Variants in PTPRK observed in about 807,000 individuals in gnomAD.
The protein encoded by PTPRK is receptor-type tyrosine-protein phosphatase kappa.
In PTPRK, 75 loss-of-function variants were observed where a neutral mutation model predicts 178.0. The ratio of observed to expected loss-of-function variants is 0.42; its 90% confidence interval spans 0.35 to 0.51. The LOEUF (loss-of-function observed/expected upper bound fraction) is 0.51. PTPRK is among the 20% of genes least tolerant of loss of function. The pLI, the probability that PTPRK is intolerant of heterozygous loss-of-function variation, is 0.02. For missense variants in PTPRK, 1,441 were observed against 1,797.8 expected, an observed-to-expected ratio of 0.80 and a Z score of 3.59; for synonymous variants, 637 against 620.6, an observed-to-expected ratio of 1.03 and a Z score of -0.39.
chr6:128,432,745 A>AACACAC (rs4053237), intron 1 of PTPRK, among the ~76,000 whole-genome samples: 4,660 of 146,316 alleles, frequency 0.032, 211 homozygotes, highest in African/African-American at 0.11. Flanking sequence ...TGTGTTCACA[A>AACACAC]ACACACACAC....
intron 1 of PTPRK, among the ~76,000 whole-genome samples, chr6:128,488,228 A>T (rs1180834093): frequency 6.6e-6 from 1 of 152,192 alleles, no homozygotes. Context: ...CAGGAGAAAG[A>T]TGAAGGCCAG....
chr6:128,137,497 T>A (rs969895407), intron 7 of PTPRK, among the ~76,000 whole-genome samples: 2 of 152,180 alleles, frequency 1.3e-5, no homozygotes, highest in African/African-American at 4.8e-5. Context: ...ATTCCAGAAT[T>A]CCTCTCAAAT....
chr6:128,317,494 G>A (rs1828174369), intron 3 of PTPRK, among the ~76,000 whole-genome samples: 2 of 151,104 alleles, frequency 1.3e-5, no homozygotes, highest in African/African-American at 4.9e-5. Context: ...TTTAAATTCT[G>A]CCACGTGTCT....
intron 6 of PTPRK, among the ~76,000 whole-genome samples, chr6:128,205,945 A>G (rs1806881067): frequency 6.6e-6 from 1 of 152,068 alleles, no homozygotes; most frequent in Non-Finnish European, 1.5e-5. Context: ...TGAATCTGGA[A>G]TAGACTTTCT....
intron 1 of PTPRK, among the ~76,000 whole-genome samples, chr6:128,475,633 C>T (rs2128420812): frequency 6.6e-6 from 1 of 152,114 alleles, no homozygotes; most frequent in Non-Finnish European, 1.5e-5. Context: ...AACTAAAACT[C>T]TGCAAAATTC....
chr6:128,297,019 G>C (rs940017138), intron 3 of PTPRK, among the ~76,000 whole-genome samples: 55 of 151,600 alleles, frequency 3.6e-4, no homozygotes, highest in African/African-American at 1.3e-3. Context: ...AAAATAAAAG[G>C]ATGGAGGAAG....
intron 6 of PTPRK, among the ~76,000 whole-genome samples, chr6:128,214,008 T>C (rs958252562): frequency 6.6e-6 from 1 of 152,120 alleles, no homozygotes; most frequent in Non-Finnish European, 1.5e-5. Flanking sequence ...CCCCTACATA[T>C]GCCAGGGTCA....
chr6:128,237,933 T>A (rs1162359617), intron 5 of PTPRK: 1 of 394,498 alleles, frequency 2.5e-6, no homozygotes, highest in Non-Finnish European at 4.9e-6. Flanking sequence ...GGTTCATTTT[T>A]AAATAATTTC....
At chr6:128,131,407 A>C (rs143745098) in intron 7 of PTPRK, among the ~76,000 whole-genome samples, 13 of 152,308 alleles carry the variant, frequency 8.5e-5, no homozygotes, top group African/African-American at 2.9e-4. Flanking sequence ...ATGAACGACC[A>C]CTATGAATGC....
At chr6:127,998,153 A>G (rs896198524) in intron 16 of PTPRK, among the ~76,000 whole-genome samples, 1 of 152,108 alleles carries the variant, frequency 6.6e-6, no homozygotes, top group Non-Finnish European at 1.5e-5. Flanking sequence ...AGGTTGGAAG[A>G]AGAATTTCCC....
intron 13 of PTPRK, among the ~76,000 whole-genome samples, chr6:128,052,974 A>C (rs562611718): frequency 3.2e-4 from 49 of 152,238 alleles, no homozygotes; most frequent in East Asian, 2.1e-3. Flanking sequence ...TAATAATAAT[A>C]ATCTAGTTTC....
chr6:128,187,453 T>C (rs1802971652), intron 6 of PTPRK, among the ~76,000 whole-genome samples: 2 of 152,192 alleles, frequency 1.3e-5, no homozygotes, highest in African/African-American at 2.4e-5. Flanking sequence ...CACATTATAA[T>C]TTATTCATTC....
At chr6:128,401,238 A>G (rs1000658738) in intron 1 of PTPRK, among the ~76,000 whole-genome samples, 1 of 152,236 alleles carries the variant, frequency 6.6e-6, no homozygotes, top group East Asian at 1.9e-4. Flanking sequence ...TGAACTTGCC[A>G]GAATATCTTT....
At chr6:127,973,524 A>T in intron 28 of PTPRK, 140 bp downstream of exon 28, 2 of 903,732 alleles carry the variant, frequency 2.2e-6, no homozygotes, top group Non-Finnish European at 3.3e-6. Flanking sequence ...AGTTAATTAT[A>T]GACTCATGAG....
intron 6 of PTPRK, among the ~76,000 whole-genome samples, chr6:128,214,544 C>CATTATTATTATTATTATT (rs369013218): frequency 0.023 from 3,408 of 150,006 alleles, 170 homozygotes; most frequent in East Asian, 0.2. Flanking sequence ...ACCAGTGATG[C>CATTATTATTATTATTATT]ATTATTATTA....
intron 13 of PTPRK, among the ~76,000 whole-genome samples, chr6:128,016,341 C>T (rs911426725): frequency 6.6e-6 from 1 of 151,888 alleles, no homozygotes; most frequent in African/African-American, 2.4e-5. Flanking sequence ...GTATAGTAAA[C>T]TGCAGAAAAC....
At chr6:128,196,204 T>A (rs1804830709) in intron 6 of PTPRK, among the ~76,000 whole-genome samples, 1 of 152,084 alleles carries the variant, frequency 6.6e-6, no homozygotes, top group Admixed American at 6.6e-5. Flanking sequence ...TTAAAGCAGA[T>A]CTATCAATAT....
rs772515451 is a variant in PTPRK at position 128,067,755 on chromosome 6, G to T, written c.1921C>A (p.Arg641=). The change falls in exon 12 of 30, where the codon CGA becomes AGA. Residue 641 remains arginine (R), a synonymous_variant. Transcript: ENST00000368226. The stretch of plus-strand genomic sequence containing the variant: ...ATGGCTCCGGCTTCTCTCTTGGTTC[G>T]GTGTGGGTGCAGTTCTTCCACAACA... ...QIVVEELHPH[R]TKREAGAMEC... 2 of 1,611,186 alleles carry T rather than the reference G, an allele frequency of 1.2e-6. No individual in the cohort carries two copies. Among genetic ancestry groups the T allele is most frequent in the Non-Finnish European group, 1.7e-6 (2 of 1,178,470 alleles).
At chr6:128,039,157 T>C (rs574120601) in intron 13 of PTPRK, among the ~76,000 whole-genome samples, 2 of 152,294 alleles carry the variant, frequency 1.3e-5, no homozygotes, top group South Asian at 4.1e-4. Context: ...AGGATGTTAA[T>C]TGCATCATTG....
Sources: gnomAD v4.1 joint callset for allele counts (sites outside exome capture counted in the v4.1 genomes callset) on GRCh38, gnomAD v4.1.1 for gene constraint, MANE v1.5 for transcripts, NCBI Gene and HGNC (gene_info 2026-07-23, HGNC 2026-07-21) for gene names.